The following SETBP1 variants were observed in gnomAD, a reference collection of about 807,000 sequenced individuals.
SETBP1 encodes the protein SET-binding protein.
A neutral mutation model predicts 101.0 loss-of-function variants in SETBP1; 9 were observed. That is an observed-to-expected ratio of 0.09 (90% CI 0.05 to 0.16). The LOEUF is 0.16. SETBP1 is among the 10% of genes least tolerant of loss of function. The pLI is 1.00. For missense variants in SETBP1, 1,858 were observed against 2,033.8 expected, an observed-to-expected ratio of 0.91 and a Z score of 1.66; for synonymous variants, 818 against 788.5, an observed-to-expected ratio of 1.04 and a Z score of -0.63.
chr18:45,009,127 C>T (rs2072786665), intron 4 of SETBP1, among the ~76,000 whole-genome samples: 1 of 152,102 alleles, frequency 6.6e-6, no homozygotes, highest in Admixed American at 6.5e-5. Flanking sequence ...CTCCCAGCCG[C>T]CAACTGTACC....
chr18:44,880,609 C>T (rs949230905), intron 3 of SETBP1, among the ~76,000 whole-genome samples: 1 of 152,178 alleles, frequency 6.6e-6, no homozygotes, highest in African/African-American at 2.4e-5. Context: ...GTGCTGGAAT[C>T]TGCTTGGCAT....
intron 2 of SETBP1, among the ~76,000 whole-genome samples, chr18:44,816,847 G>A (rs185299010): frequency 5.9e-5 from 9 of 152,164 alleles, no homozygotes; most frequent in African/African-American, 1.4e-4. Flanking sequence ...TTCCTTCCCC[G>A]TGGGTCCTCT....
chr18:44,902,071 G>A (rs1044407545), intron 3 of SETBP1, among the ~76,000 whole-genome samples: 1 of 152,132 alleles, frequency 6.6e-6, no homozygotes, highest in Non-Finnish European at 1.5e-5. Flanking sequence ...TTAAAATTAA[G>A]TACAATTTAA....
chr18:45,003,347 G>A (rs1206990504), intron 4 of SETBP1, among the ~76,000 whole-genome samples: 1 of 152,102 alleles, frequency 6.6e-6, no homozygotes, highest in Admixed American at 6.6e-5. Flanking sequence ...TTTAAACAAT[G>A]GCAATATCGT....
At chr18:44,757,770 C>T (rs187020221) in intron 2 of SETBP1, among the ~76,000 whole-genome samples, 8 of 152,120 alleles carry the variant, frequency 5.3e-5, no homozygotes, top group Middle Eastern at 3.4e-3. Flanking sequence ...CTCCTGAGTC[C>T]AGACTCTTAA....
At chr18:44,944,495 G>C (rs544014670) in intron 3 of SETBP1, among the ~76,000 whole-genome samples, 5 of 152,316 alleles carry the variant, frequency 3.3e-5, no homozygotes, top group Admixed American at 3.3e-4. Flanking sequence ...CTCCCTGAGA[G>C]ATTGTGAGTT....
chr18:44,994,150 A>C (rs1461851398), intron 4 of SETBP1, among the ~76,000 whole-genome samples: 1 of 152,136 alleles, frequency 6.6e-6, no homozygotes, highest in Non-Finnish European at 1.5e-5. Flanking sequence ...AATAAAGAAA[A>C]GACTTTCAAC....
At chr18:44,863,366 T>G (rs931965214) in intron 2 of SETBP1, among the ~76,000 whole-genome samples, 1 of 152,244 alleles carries the variant, frequency 6.6e-6, no homozygotes, top group African/African-American at 2.4e-5. Flanking sequence ...TCACTTTATC[T>G]TTCTGTGCCT....
chr18:45,037,108 G>A (rs906931963), intron 4 of SETBP1, among the ~76,000 whole-genome samples: 2 of 152,186 alleles, frequency 1.3e-5, no homozygotes, highest in Non-Finnish European at 2.9e-5. Flanking sequence ...GATCAGTCAG[G>A]TTAGTTGGGA....
chr18:44,700,716 TG>T (rs1413717896), intron 1 of SETBP1, among the ~76,000 whole-genome samples: 1 of 152,288 alleles, frequency 6.6e-6, no homozygotes, highest in African/African-American at 2.4e-5. Flanking sequence ...CCAGGCAGCC[TG>T]GGGGTTGTGC....
chr18:44,752,762 A>T (rs1240383467), intron 2 of SETBP1, among the ~76,000 whole-genome samples: 1 of 152,222 alleles, frequency 6.6e-6, no homozygotes, highest in Non-Finnish European at 1.5e-5. Context: ...ATAGAGAGTT[A>T]TCACTGACTG....
At chr18:44,838,328 T>C (rs1463832232) in intron 2 of SETBP1, among the ~76,000 whole-genome samples, 1 of 152,152 alleles carries the variant, frequency 6.6e-6, no homozygotes, top group Non-Finnish European at 1.5e-5. Context: ...CCCTGCGCAG[T>C]GTCTTCTTAT....
At chr18:44,760,154 C>T (rs896521133) in intron 2 of SETBP1, among the ~76,000 whole-genome samples, 6 of 152,210 alleles carry the variant, frequency 3.9e-5, no homozygotes, top group African/African-American at 1.4e-4. Flanking sequence ...GCTTGGTAAA[C>T]ACTGTTGCTG....
In SETBP1 at chr18:44,813,644, C is replaced by T. The variant is rs34827187; in HGVS notation, c.487-55586C>T. 4.0e-3 allele frequency among the ~76,000 whole-genome samples: 611 copies of T among 152,258 alleles called. 2 individuals carry two copies. Among genetic ancestry groups the T allele is most frequent in the South Asian group, 6.2e-3 (30 of 4,816 alleles). ...TGCCATCATTAAAAAGGGAAACTTACGCAGCTTTTGCCTTCTGAGGAAAGA... is the reference window on the plus strand; with the variant it reads ...TGCCATCATTAAAAAGGGAAACTTATGCAGCTTTTGCCTTCTGAGGAAAGA... On this transcript the variant is annotated intron_variant, in intron 2 of 5. Coordinates refer to ENST00000649279, the MANE Select transcript of SETBP1 (RefSeq NM_015559.3).
At chr18:44,742,648 T>C (rs945249013) in intron 2 of SETBP1, among the ~76,000 whole-genome samples, 1 of 152,168 alleles carries the variant, frequency 6.6e-6, no homozygotes, top group African/African-American at 2.4e-5. Flanking sequence ...TTTCTTCTCT[T>C]TTTTTCCTGC....
chr18:44,843,143 T>C (rs1035687251), intron 2 of SETBP1, among the ~76,000 whole-genome samples: 3 of 152,102 alleles, frequency 2.0e-5, no homozygotes, highest in African/African-American at 4.8e-5. Flanking sequence ...GGGAGGGACC[T>C]GGGAAGGAGG....
intron 2 of SETBP1, among the ~76,000 whole-genome samples, chr18:44,784,835 G>T (rs779866734): frequency 6.6e-6 from 1 of 152,178 alleles, no homozygotes; most frequent in Admixed American, 6.5e-5. Flanking sequence ...TCAACTCTTA[G>T]TTTATTGTTC....
intron 4 of SETBP1, among the ~76,000 whole-genome samples, chr18:44,962,162 A>G (rs1332974351): frequency 1.3e-5 from 2 of 152,198 alleles, no homozygotes; most frequent in African/African-American, 2.4e-5. Context: ...ATGCTAACTC[A>G]TTGGCCAACA....
In SETBP1 at chr18:44,965,656, A is replaced by T. The variant is rs548581270; in HGVS notation, c.4000+12316A>T. 2.6e-5 allele frequency among the ~76,000 whole-genome samples: 4 copies of T among 152,294 alleles called. No individual in the cohort carries two copies. The South Asian group carries it at 8.3e-4, about 32-fold the overall frequency. On this transcript the variant is annotated intron_variant, in intron 4 of 5. Coordinates refer to ENST00000649279, the MANE Select transcript of SETBP1 (RefSeq NM_015559.3). ...CAAAATTTTCCAGGAGATTTCTTAA[A>T]TCTCCATGGACAATGCAAGCATCAC...
Sources: allele counts gnomAD v4.1 joint callset (sites outside exome capture counted in the v4.1 genomes callset), GRCh38; gene constraint gnomAD v4.1.1; transcripts MANE v1.5; gene names NCBI Gene and HGNC (gene_info 2026-07-23, HGNC 2026-07-21).